The following FARP2 variants were observed in gnomAD, a reference collection of about 807,000 sequenced individuals.
FARP2 encodes FERM, ARH/RhoGEF and pleckstrin domain protein 2.
Under a neutral mutation model 130.5 loss-of-function variants are expected in FARP2, and 111 were observed. The ratio of observed to expected loss-of-function variants is 0.85; its 90% CI spans 0.73 to 1.00. The LOEUF is 1.00. Ranked by LOEUF, FARP2 falls within the 50% of genes least tolerant of loss-of-function variation. The probability of loss-of-function intolerance (pLI) is 0.00; values close to 1 mark genes in which losing one functional copy is unlikely to be tolerated. For synonymous variants in FARP2, 504 were observed against 516.9 expected, an observed-to-expected ratio of 0.98 and a Z score of 0.34; for missense variants, 1,385 against 1,346.3, an observed-to-expected ratio of 1.03 and a Z score of -0.45.
At chr2:241,484,056 G>T (rs1022238686) in intron 20 of FARP2, 186 bp from the exon 21 acceptor site, 32 of 1,390,882 alleles carry the variant, frequency 2.3e-5, no homozygotes, top group Non-Finnish European at 3.0e-5. Flanking sequence ...ACTGGTTCCT[G>T]TGGCCCTTTC....
At chr2:241,461,699 T>G (rs2064023496) in intron 14 of FARP2, among the ~76,000 whole-genome samples, 1 of 152,186 alleles carries the variant, frequency 6.6e-6, no homozygotes, top group East Asian at 1.9e-4. Context: ...TCCATGGATA[T>G]TTGCACGGCC....
chr2:241,472,825 C>G (rs1271552198), intron 18 of FARP2, among the ~76,000 whole-genome samples: 2 of 149,318 alleles, frequency 1.3e-5, no homozygotes, highest in Non-Finnish European at 3.0e-5. Context: ...TGAGGGGACG[C>G]TATTCTGAAT....
chr2:241,361,827 A>G (rs1186745992), intron 1 of FARP2, among the ~76,000 whole-genome samples: 1 of 151,918 alleles, frequency 6.6e-6, no homozygotes, highest in Non-Finnish European at 1.5e-5. Flanking sequence ...TACTTTTAGA[A>G]ATTGTTTAAA....
chr2:241,487,742 TA>T (rs2064790721), intron 21 of FARP2, among the ~76,000 whole-genome samples: 1 of 113,414 alleles, frequency 8.8e-6, no homozygotes, highest in Non-Finnish European at 1.8e-5. Context: ...TAGCCTAGCC[TA>T]CTCTTTTTTT....
intron 2 of FARP2, among the ~76,000 whole-genome samples, chr2:241,399,322 T>C (rs1323621783): frequency 1.3e-5 from 2 of 152,202 alleles, no homozygotes; most frequent in Non-Finnish European, 1.5e-5. Flanking sequence ...TTGTTTGTTT[T>C]TGAGACGGAG....
chr2:241,359,204 GTTTTA>G (rs1034150538), intron 1 of FARP2, among the ~76,000 whole-genome samples: 6 of 152,172 alleles, frequency 3.9e-5, no homozygotes, highest in African/African-American at 1.2e-4. Flanking sequence ...GTTGTAAGTG[GTTTTA>G]TTTTAAGAGT....
At chr2:241,478,923 C>A (rs936470082) in intron 19 of FARP2, 10 of 406,714 alleles carry the variant, frequency 2.5e-5, no homozygotes, top group South Asian at 1.3e-4. Flanking sequence ...CTTCACAACA[C>A]CCCATACAGT....
intron 5 of FARP2, among the ~76,000 whole-genome samples, chr2:241,408,615 T>G (rs1043232019): frequency 6.6e-6 from 1 of 152,128 alleles, no homozygotes; most frequent in Non-Finnish European, 1.5e-5. Flanking sequence ...TTTCTTTGTA[T>G]TTTTTGTATT....
intron 13 of FARP2, chr2:241,442,097 C>T (rs2063399524): frequency 2.6e-6 from 1 of 390,768 alleles, no homozygotes; most frequent in African/African-American, 2.1e-5. Context: ...AAGGCGCAGG[C>T]CAGCCGGATG....
intron 2 of FARP2, among the ~76,000 whole-genome samples, chr2:241,397,962 TG>T (rs2062071674): frequency 6.6e-6 from 1 of 151,566 alleles, no homozygotes; most frequent in Non-Finnish European, 1.5e-5. Context: ...CCCAAGTAGC[TG>T]GGACTACAGG....
intron 26 of FARP2, 149 bp downstream of exon 26, chr2:241,493,593 CTTTG>C (rs1460265006): frequency 4.8e-6 from 3 of 629,798 alleles, no homozygotes; most frequent in Non-Finnish European, 7.9e-6. Flanking sequence ...AACAGCAATG[CTTTG>C]TTTTTTTTTT....
intron 2 of FARP2, among the ~76,000 whole-genome samples, chr2:241,393,271 C>G (rs1043464271): frequency 1.3e-4 from 20 of 152,094 alleles, no homozygotes; most frequent in Admixed American, 7.9e-4. Flanking sequence ...CCACCCGCCT[C>G]GGTCTCCCAA....
intron 2 of FARP2, among the ~76,000 whole-genome samples, chr2:241,393,033 T>C (rs745758489): frequency 1.3e-5 from 2 of 151,894 alleles, no homozygotes; most frequent in Non-Finnish European, 2.9e-5. Flanking sequence ...TTCTCTCTCT[T>C]TTTTGAGATG....
chr2:241,466,208 C>T, intron 17 of FARP2: 1 of 984,946 alleles, frequency 1.0e-6, no homozygotes, highest in Non-Finnish European at 1.2e-6. Flanking sequence ...GGTCAGTTTT[C>T]CCCCAGAGCC....
At chr2:241,386,154 A>G (rs2061778571) in intron 2 of FARP2, among the ~76,000 whole-genome samples, 1 of 152,162 alleles carries the variant, frequency 6.6e-6, no homozygotes, top group African/African-American at 2.4e-5. Context: ...GTGCAGTAGC[A>G]TGATCATAGC....
At chr2:241,460,156 G>A (rs1359922424) in intron 14 of FARP2, among the ~76,000 whole-genome samples, 1 of 152,180 alleles carries the variant, frequency 6.6e-6, no homozygotes, top group Non-Finnish European at 1.5e-5. Context: ...GCATTAACAT[G>A]TAACATCCCT....
intron 8 of FARP2, among the ~76,000 whole-genome samples, chr2:241,418,986 G>A (rs1181226864): frequency 6.6e-6 from 1 of 152,138 alleles, no homozygotes; most frequent in Admixed American, 6.5e-5. Context: ...GCTGAATATT[G>A]TGGGAATTGT....
intron 2 of FARP2, among the ~76,000 whole-genome samples, chr2:241,402,032 C>T (rs1169797535): frequency 6.6e-6 from 1 of 152,144 alleles, no homozygotes; most frequent in Non-Finnish European, 1.5e-5. Context: ...TCAGGTGATC[C>T]ACCCACCTCA....
intron 1 of FARP2, among the ~76,000 whole-genome samples, chr2:241,363,945 G>T (rs1315043422): frequency 6.6e-6 from 1 of 152,248 alleles, no homozygotes; most frequent in Non-Finnish European, 1.5e-5. Context: ...CTGAGGTGGT[G>T]CCTATGTTGG....
Sources: allele counts gnomAD v4.1 joint callset (sites outside exome capture counted in the v4.1 genomes callset), GRCh38; gene constraint gnomAD v4.1.1; transcripts MANE v1.5; gene names NCBI Gene and HGNC (gene_info 2026-07-23, HGNC 2026-07-21).